The following PBX3 variants were observed in gnomAD, a reference collection of about 807,000 sequenced individuals.
PBX3 encodes the protein PBX homeobox 3.
A neutral mutation model predicts 48.5 loss-of-function variants in PBX3; 14 were observed. The ratio of observed to expected loss-of-function variants is 0.29; its 90% CI spans 0.19 to 0.45. The LOEUF (loss-of-function observed/expected upper bound fraction) is 0.45. Among genes scored for constraint, PBX3 ranks in the 20% least tolerant of loss-of-function variants. The probability of loss-of-function intolerance (pLI) is 1.00; values close to 1 mark genes in which losing one functional copy is unlikely to be tolerated. For missense variants in PBX3, 386 were observed against 546.7 expected (o/e 0.71, Z 2.93); for synonymous variants, 210 against 200.3 (o/e 1.05, Z -0.41).
intron 2 of PBX3, among the ~76,000 whole-genome samples, chr9:125,907,689 A>G (rs1385347629): frequency 6.6e-6 from 1 of 152,104 alleles, no homozygotes; most frequent in Non-Finnish European, 1.5e-5. Flanking sequence ...CTCCAAAGCC[A>G]TGTTCTCCAG....
intron 2 of PBX3, among the ~76,000 whole-genome samples, chr9:125,839,325 CAA>C (rs1407119071): frequency 6.6e-6 from 1 of 152,094 alleles, no homozygotes. Context: ...TTTGAGGAAT[CAA>C]GAGGCAACAT....
chr9:125,785,943 CTTTTT>C (rs201029654), intron 2 of PBX3, among the ~76,000 whole-genome samples: 1 of 138,338 alleles, frequency 7.2e-6, no homozygotes, highest in Non-Finnish European at 1.6e-5. Flanking sequence ...TTTAAAGTCG[CTTTTT>C]TTTTTTTTAA....
intron 2 of PBX3, among the ~76,000 whole-genome samples, chr9:125,757,879 C>G (rs1836563231): frequency 2.0e-5 from 3 of 152,152 alleles, no homozygotes; most frequent in Admixed American, 6.5e-5. Context: ...TTTAGATTTT[C>G]ACTTGTTATT....
chr9:125,866,183 C>T (rs1308749606), intron 2 of PBX3, among the ~76,000 whole-genome samples: 1 of 152,134 alleles, frequency 6.6e-6, no homozygotes, highest in African/African-American at 2.4e-5. Flanking sequence ...TAGCTGGCAT[C>T]TTTCACTGAA....
At chr9:125,863,662 A>G (rs1022317214) in intron 2 of PBX3, among the ~76,000 whole-genome samples, 23 of 152,236 alleles carry the variant, frequency 1.5e-4, no homozygotes, top group African/African-American at 5.1e-4. Context: ...AGGTTAATAC[A>G]TTGTGGGAAG....
At chr9:125,920,904 C>G (rs1841443484) in intron 3 of PBX3, among the ~76,000 whole-genome samples, 2 of 152,132 alleles carry the variant, frequency 1.3e-5, no homozygotes, top group African/African-American at 2.4e-5. Context: ...AAAGCATATC[C>G]TTGTGCTTTT....
At position 125,747,477 on chromosome 9, in the gene PBX3, G is replaced by A; in HGVS notation, c.24G>A (p.Leu8=). ...GGATGGACGATCAATCCAGGATGCT[G>A]CAGACTCTGGCCGGGGTGAACCTGG... MDDQSRM[L]QTLAGVNLAG... is the part of the protein sequence containing the mutation. Residue 8 remains leucine (L), a synonymous_variant, in exon 1 of 9, where the codon CTG becomes CTA. Transcript: ENST00000373489. 1 of 1,576,398 alleles carries A rather than the reference G, an allele frequency of 6.3e-7. No homozygotes were observed. The highest frequency in any genetic ancestry group is 1.1e-5 in the South Asian group (1 of 87,498).
chr9:125,754,284 G>A (rs961075923), intron 2 of PBX3, among the ~76,000 whole-genome samples: 8 of 151,954 alleles, frequency 5.3e-5, no homozygotes, highest in African/African-American at 1.9e-4. Context: ...GGTATTAACT[G>A]ACTAACAAAG....
intron 2 of PBX3, among the ~76,000 whole-genome samples, chr9:125,768,723 C>T (rs1433724614): frequency 6.6e-6 from 1 of 152,160 alleles, no homozygotes; most frequent in Non-Finnish European, 1.5e-5. Context: ...TGGCCTCATA[C>T]AGATACCTAA....
chr9:125,773,192 G>A (rs1462064792), intron 2 of PBX3, among the ~76,000 whole-genome samples: 1 of 152,194 alleles, frequency 6.6e-6, no homozygotes, highest in African/African-American at 2.4e-5. Context: ...GTGACGATAT[G>A]TATTTGTAAT....
chr9:125,811,066 G>T (rs1031215419), intron 2 of PBX3, among the ~76,000 whole-genome samples: 1 of 152,104 alleles, frequency 6.6e-6, no homozygotes, highest in East Asian at 1.9e-4. Context: ...TCTCTTCATG[G>T]TTCCTTAGCC....
intron 2 of PBX3, among the ~76,000 whole-genome samples, chr9:125,874,791 G>A (rs1440346863): frequency 2.0e-5 from 3 of 152,158 alleles, no homozygotes; most frequent in Non-Finnish European, 2.9e-5. Context: ...AGCTATCAAA[G>A]TCAAAGATTG....
chr9:125,910,525 C>T (rs1049247348), intron 2 of PBX3, among the ~76,000 whole-genome samples: 1 of 151,586 alleles, frequency 6.6e-6, no homozygotes, highest in African/African-American at 2.4e-5. Flanking sequence ...ATGAGTCAAG[C>T]GAAAGTGACA....
chr9:125,847,776 C>A (rs1839467172), intron 2 of PBX3, among the ~76,000 whole-genome samples: 1 of 147,472 alleles, frequency 6.8e-6, no homozygotes, highest in Non-Finnish European at 1.5e-5. Flanking sequence ...GGGACTGAAT[C>A]TTCTATAGTA....
chr9:125,864,725 C>T (rs1404020729), intron 2 of PBX3, among the ~76,000 whole-genome samples: 1 of 152,142 alleles, frequency 6.6e-6, no homozygotes, highest in African/African-American at 2.4e-5. Context: ...GGTGGTAATG[C>T]GATGGGGAGT....
intron 2 of PBX3, among the ~76,000 whole-genome samples, chr9:125,834,335 T>A (rs780667419): frequency 6.6e-6 from 1 of 152,106 alleles, no homozygotes; most frequent in Non-Finnish European, 1.5e-5. Flanking sequence ...CAACAAGTTT[T>A]TAAGGTGATA....
intron 5 of PBX3, 100 bp from the exon 6 acceptor site, chr9:125,960,584 G>T: frequency 1.0e-6 from 1 of 1,002,304 alleles, no homozygotes. Context: ...TAGGAATTGT[G>T]TGTCTCCCAA....
intron 2 of PBX3, among the ~76,000 whole-genome samples, chr9:125,753,285 C>CTT (rs34449607): frequency 2.0e-5 from 3 of 148,140 alleles, no homozygotes; most frequent in African/African-American, 5.0e-5. Flanking sequence ...AATATTTTAC[C>CTT]TTTTTTTTTT....
chr9:125,754,395 AAAT>A (rs1377612655), intron 2 of PBX3, among the ~76,000 whole-genome samples: 2 of 152,134 alleles, frequency 1.3e-5, no homozygotes, highest in Non-Finnish European at 2.9e-5. Flanking sequence ...TGAAGAGAGT[AAAT>A]AATTTATATC....
Sources: gnomAD v4.1 joint callset for allele counts (sites outside exome capture counted in the v4.1 genomes callset) on GRCh38, gnomAD v4.1.1 for gene constraint, MANE v1.5 for transcripts, NCBI Gene and HGNC (gene_info 2026-07-23, HGNC 2026-07-21) for gene names.